The following PAQR5 variants were observed in gnomAD, a reference collection of about 807,000 sequenced individuals.
PAQR5 encodes membrane progestin receptor gamma.
In PAQR5, 20 loss-of-function variants were observed where a neutral mutation model predicts 34.5. That is an observed-to-expected ratio of 0.58 (90% confidence interval 0.41 to 0.84). The LOEUF is 0.84. Among genes scored for constraint, PAQR5 ranks in the 40% least tolerant of loss-of-function variants. PAQR5 has a pLI of 0.00. For synonymous variants in PAQR5, 131 were observed against 155.6 expected, an observed-to-expected ratio of 0.84 and a Z score of 1.18; for missense variants, 378 against 412.7, an observed-to-expected ratio of 0.92 and a Z score of 0.73.
intron 6 of PAQR5, among the ~76,000 whole-genome samples, chr15:69,396,692 G>C (rs976052237): frequency 3.9e-5 from 6 of 151,936 alleles, no homozygotes; most frequent in African/African-American, 1.5e-4. Flanking sequence ...CCCTCCCCAT[G>C]TCCTCCCAGT....
At chr15:69,357,815 A>C (rs777652803) in intron 2 of PAQR5, among the ~76,000 whole-genome samples, 17 of 152,204 alleles carry the variant, frequency 1.1e-4, no homozygotes, top group Non-Finnish European at 2.1e-4. Context: ...AAATAAAAAC[A>C]AAACAACTTC....
chr15:69,364,651 G>T (rs561820527), intron 3 of PAQR5, among the ~76,000 whole-genome samples: 3,389 of 151,522 alleles, frequency 0.022, 131 homozygotes, highest in African/African-American at 0.078. Flanking sequence ...TGCTGTGTGT[G>T]TGTGTGTGTG....
rs1352696667 is a variant in PAQR5 at position 69,389,708 on chromosome 15, C to A, written c.440C>A (p.Thr147Asn). The change falls in exon 6 of 9, where the codon ACT (threonine) becomes AAT (asparagine). Residue 147 changes from threonine to asparagine, a missense_variant. Coordinates refer to ENST00000395407, the MANE Select transcript of PAQR5 (RefSeq NM_017705.4). ...TTCCCGGATGCGCTCATGTGCACCACTTTCCATGACTACTACGTGGCCCTG... is the reference window on the plus strand; with the variant it reads ...TTCCCGGATGCGCTCATGTGCACCAATTTCCATGACTACTACGTGGCCCTG... ...YTFPDALMCT[T>N]FHDYYVALAV... 33 of 1,614,210 alleles carry A rather than the reference C, an allele frequency of 2.0e-5. No homozygotes were observed. Among genetic ancestry groups the A allele is most frequent in the Non-Finnish European group, 2.8e-5 (33 of 1,180,012 alleles).
intron 3 of PAQR5, among the ~76,000 whole-genome samples, chr15:69,377,027 A>G (rs1168832264): frequency 6.6e-6 from 1 of 152,142 alleles, no homozygotes; most frequent in Non-Finnish European, 1.5e-5. Context: ...CCGCCCCCAC[A>G]TGTCCAGTGC....
intron 3 of PAQR5, among the ~76,000 whole-genome samples, chr15:69,364,692 A>G (rs1267739745): frequency 1.3e-5 from 2 of 151,368 alleles, no homozygotes; most frequent in African/African-American, 4.9e-5. Context: ...TTATCAGATT[A>G]AGGGTATCAC....
intron 6 of PAQR5, among the ~76,000 whole-genome samples, chr15:69,390,356 A>ATATT (rs1555423089): frequency 1.5e-5 from 2 of 132,662 alleles, no homozygotes; most frequent in Admixed American, 8.0e-5. Context: ...TTATTTATTT[A>ATATT]TTTATTTTTT....
At chr15:69,340,133 T>C (rs1284686089) in intron 2 of PAQR5, among the ~76,000 whole-genome samples, 1 of 152,184 alleles carries the variant, frequency 6.6e-6, no homozygotes, top group African/African-American at 2.4e-5. Flanking sequence ...CCCAAAGTGC[T>C]GGGATTACAG....
intron 1 of PAQR5, among the ~76,000 whole-genome samples, chr15:69,318,459 C>G (rs961471318): frequency 6.6e-6 from 1 of 152,188 alleles, no homozygotes; most frequent in South Asian, 2.1e-4. Context: ...TATGTCTTGT[C>G]TCCTCAGAAA....
At chr15:69,317,389 C>T (rs549501172) in intron 1 of PAQR5, among the ~76,000 whole-genome samples, 14 of 152,300 alleles carry the variant, frequency 9.2e-5, no homozygotes, top group African/African-American at 3.4e-4. Context: ...CCATCTGTGC[C>T]CTGCAGCCTT....
intron 5 of PAQR5, among the ~76,000 whole-genome samples, chr15:69,388,764 C>T (rs2056178794): frequency 2.0e-5 from 3 of 152,356 alleles, no homozygotes; most frequent in Admixed American, 2.0e-4. Flanking sequence ...GACAGATCAA[C>T]CTGTATGGCC....
chr15:69,379,709 G>A (rs1201042157), intron 3 of PAQR5, 174 bp from the exon 4 acceptor site: 3 of 771,390 alleles, frequency 3.9e-6, no homozygotes, highest in Non-Finnish European at 4.7e-6. Context: ...GGAGGACAAG[G>A]GATTTTAGAA....
intron 1 of PAQR5, among the ~76,000 whole-genome samples, chr15:69,333,843 C>T (rs2140685175): frequency 6.6e-6 from 1 of 152,114 alleles, no homozygotes; most frequent in Non-Finnish European, 1.5e-5. Flanking sequence ...TTTACAAGTG[C>T]TGAATCTTCT....
At chr15:69,369,554 A>G (rs533963465) in intron 3 of PAQR5, among the ~76,000 whole-genome samples, 67 of 150,978 alleles carry the variant, frequency 4.4e-4, no homozygotes, top group African/African-American at 1.5e-3. Context: ...AAAAAAAAAA[A>G]GTAGAAATCC....
At chr15:69,305,787 T>C (rs7173953) in intron 1 of PAQR5, among the ~76,000 whole-genome samples, 1 of 151,870 alleles carries the variant, frequency 6.6e-6, no homozygotes, top group African/African-American at 2.4e-5. Flanking sequence ...GGTTTTATTT[T>C]GTTTATTCCT....
At chr15:69,368,939 A>T (rs544983962) in intron 3 of PAQR5, among the ~76,000 whole-genome samples, 65 of 151,876 alleles carry the variant, frequency 4.3e-4, no homozygotes, top group East Asian at 7.8e-4. Flanking sequence ...CTAATTTTTT[A>T]AAAAAATTTT....
chr15:69,384,403 G>A (rs1224366441), intron 4 of PAQR5, among the ~76,000 whole-genome samples: 4 of 109,738 alleles, frequency 3.6e-5, no homozygotes, highest in Admixed American at 8.8e-5. Context: ...TCATGGTGGA[G>A]GGTGAGCGGG....
chr15:69,358,323 A>G (rs535262224), intron 2 of PAQR5, among the ~76,000 whole-genome samples: 5 of 152,048 alleles, frequency 3.3e-5, no homozygotes, highest in African/African-American at 1.2e-4. Flanking sequence ...AGTGCCTTGG[A>G]TTTATTTGCT....
chr15:69,363,656 C>T (rs1228479597), intron 3 of PAQR5, among the ~76,000 whole-genome samples: 1 of 147,370 alleles, frequency 6.8e-6, no homozygotes, highest in Non-Finnish European at 1.5e-5. Context: ...AAGCGATTCT[C>T]CTTCTCCTGC....
chr15:69,395,157 C>T (rs1249153991), intron 6 of PAQR5, among the ~76,000 whole-genome samples: 1 of 152,162 alleles, frequency 6.6e-6, no homozygotes, highest in Non-Finnish European at 1.5e-5. Flanking sequence ...CCTGCCGCGG[C>T]AGGGCAGGGT....
Sources: gnomAD v4.1 joint callset for allele counts (sites outside exome capture counted in the v4.1 genomes callset) on GRCh38, gnomAD v4.1.1 for gene constraint, MANE v1.5 for transcripts, NCBI Gene and HGNC (gene_info 2026-07-23, HGNC 2026-07-21) for gene names.